The following PDLIM3 variants were observed in gnomAD, a reference collection of about 807,000 sequenced individuals.
The protein encoded by PDLIM3 is PDZ and LIM domain 3.
Under a neutral mutation model 37.3 loss-of-function variants are expected in PDLIM3, and 36 were observed. That is an observed-to-expected ratio of 0.97 (90% CI 0.74 to 1.28). The LOEUF (loss-of-function observed/expected upper bound fraction) is 1.28. Ranked by LOEUF, PDLIM3 falls within the 50% of genes most tolerant of loss-of-function variation. The pLI is 0.00. For synonymous variants in PDLIM3, 174 were observed against 182.4 expected (o/e 0.95, Z 0.37); for missense variants, 454 against 485.0 (o/e 0.94, Z 0.60).
At chr4:185,534,872 T>A (rs1580274040) in intron 1 of PDLIM3, among the ~76,000 whole-genome samples, 1 of 152,194 alleles carries the variant, frequency 6.6e-6, no homozygotes, top group Non-Finnish European at 1.5e-5. Context: ...GAACTTTTCA[T>A]CCGGACGAGA....
At chr4:185,513,957 A>G (rs1472545897) in intron 4 of PDLIM3, 1 of 1,245,764 alleles carries the variant, frequency 8.0e-7, no homozygotes, top group East Asian at 4.6e-5. Flanking sequence ...TGGGATAGAC[A>G]TACTGACTGC....
chr4:185,506,673 G>A lies in PDLIM3; in HGVS notation c.663-21C>T, dbSNP rs759216907. The stretch of plus-strand genomic sequence containing the variant: ...GCTCGCTGAAACACAGGCACGGCGG[G>A]GAGCATCGTCAGGTGCTGGGAGGCA... On this transcript the variant is annotated intron_variant, in intron 5 of 7. Coordinates refer to ENST00000284767, the MANE Select transcript of PDLIM3 (RefSeq NM_014476.6). The A allele has an allele frequency of 4.4e-6, 7 of 1,600,966 alleles. 1 individual carries two copies. The highest frequency in any genetic ancestry group is 3.3e-5 in the South Asian group (3 of 91,070).
chr4:185,521,908 G>C (rs1162377913), intron 3 of PDLIM3, among the ~76,000 whole-genome samples: 1 of 65,896 alleles, frequency 1.5e-5, no homozygotes, highest in African/African-American at 2.8e-5. Flanking sequence ...CAGCCTCAAG[G>C]TTCCTGCCTT....
At chr4:185,515,019 G>T in intron 3 of PDLIM3, 1 of 692,746 alleles carries the variant, frequency 1.4e-6, no homozygotes. Flanking sequence ...AAAGATTAGA[G>T]GAGGAGTTAG....
chr4:185,527,765 C>T (rs372825052), intron 1 of PDLIM3, among the ~76,000 whole-genome samples: 2 of 152,260 alleles, frequency 1.3e-5, no homozygotes, highest in African/African-American at 4.8e-5. Flanking sequence ...AGTTAAAACA[C>T]AGGGCCAGGC....
At chr4:185,519,640 A>G (rs1020381528) in intron 3 of PDLIM3, among the ~76,000 whole-genome samples, 1 of 152,182 alleles carries the variant, frequency 6.6e-6, no homozygotes, top group Admixed American at 6.5e-5. Flanking sequence ...CTATAACCAT[A>G]TAAGAAAATG....
At chr4:185,506,699 C>T in intron 5 of PDLIM3, 47 bp from the exon 6 acceptor site, 1 of 1,591,602 alleles carries the variant, frequency 6.3e-7, no homozygotes, top group Non-Finnish European at 8.5e-7. Context: ...CTGGGAGGCA[C>T]CAGACGTGCA....
chr4:185,535,224 C>T, intron 1 of PDLIM3, 118 bp downstream of exon 1: 1 of 885,736 alleles, frequency 1.1e-6, no homozygotes, highest in South Asian at 1.6e-5. Context: ...CAGCAGCGCC[C>T]CGTCCGCCCG....
At chr4:185,524,903 T>C in intron 2 of PDLIM3, 117 bp downstream of exon 2, 1 of 966,360 alleles carries the variant, frequency 1.0e-6, no homozygotes, top group East Asian at 2.4e-5. Context: ...ATATAAAAAG[T>C]CAGCCAAAAT....
At chr4:185,529,487 A>G (rs1203955430) in intron 1 of PDLIM3, among the ~76,000 whole-genome samples, 1 of 152,220 alleles carries the variant, frequency 6.6e-6, no homozygotes, top group Non-Finnish European at 1.5e-5. Flanking sequence ...ACTGCACGGT[A>G]GGCACGGACC....
chr4:185,508,628 A>G, intron 4 of PDLIM3, 66 bp from the exon 5 acceptor site: 1 of 1,528,772 alleles, frequency 6.5e-7, no homozygotes, highest in Non-Finnish European at 9.1e-7. Context: ...ACAGAAGAAC[A>G]CAGAGAACAC....
chr4:185,511,517 T>C (rs766804844), intron 4 of PDLIM3, among the ~76,000 whole-genome samples: 6 of 152,132 alleles, frequency 3.9e-5, no homozygotes, highest in Non-Finnish European at 8.8e-5. Flanking sequence ...TGTGCCACCA[T>C]GCCCAGCTAA....
chr4:185,520,277 T>C (rs1232669452), intron 3 of PDLIM3, among the ~76,000 whole-genome samples: 3 of 152,208 alleles, frequency 2.0e-5, no homozygotes, highest in Non-Finnish European at 4.4e-5. Context: ...AGAAATCCTT[T>C]GGTTCATTAG....
rs748972703 is a variant in PDLIM3, at chr4:185,504,445, G to A, written c.905+30C>T. 11 of 1,539,934 alleles carry A rather than the reference G, an allele frequency of 7.1e-6. No individual in the cohort carries two copies. Among genetic ancestry groups the A allele is most frequent in the Admixed American group, 5.0e-5 (3 of 59,880 alleles). ...AAATGAACTGTCGCCAAGCTGTATC[G>A]TAAATTCCAGGGTTAAAAGTGAAAC... On this transcript the variant is annotated intron_variant, in intron 7 of 7. Coordinates refer to ENST00000284767, the MANE Select transcript of PDLIM3 (RefSeq NM_014476.6). This position sits in a 1 kb window ranked among gnomAD's most constrained non-coding sequence, Gnocchi z 4.7.
Position 185,523,358 on chromosome 4 carries a change from A to C in PDLIM3, c.330+4T>G. The stretch of plus-strand genomic sequence containing the variant: ...ATGTGTATCATTTGCTCTAAAACGC[A>C]TACCTGTGGTTCTGATTCTAAGTTG... On this transcript the variant is annotated splice_donor_region_variant and intron_variant, in intron 3 of 7. Transcript: ENST00000284767. 6.3e-7 allele frequency: 1 copy of C among 1,593,422 alleles called. No homozygotes were observed. Among genetic ancestry groups the C allele is most frequent in the South Asian group, 1.1e-5 (1 of 90,546 alleles).
At chr4:185,527,822 G>A (rs1011286534) in intron 1 of PDLIM3, among the ~76,000 whole-genome samples, 1 of 152,188 alleles carries the variant, frequency 6.6e-6, no homozygotes, top group African/African-American at 2.4e-5. Flanking sequence ...GGCTGAGGTG[G>A]AAGGATTGCT....
chr4:185,526,389 A>C (rs890645599), intron 1 of PDLIM3, among the ~76,000 whole-genome samples: 5 of 152,238 alleles, frequency 3.3e-5, no homozygotes, highest in Non-Finnish European at 7.3e-5. Flanking sequence ...TCACTTAAAA[A>C]ACAGAGACTA....
At chr4:185,502,555 A>C in intron 7 of PDLIM3, 72 bp from the exon 8 acceptor site, 2 of 1,368,262 alleles carry the variant, frequency 1.5e-6, no homozygotes, top group Non-Finnish European at 2.1e-6. Flanking sequence ...AGAGAACCCA[A>C]CAGAGAAGGC....
chr4:185,504,336 T>G lies in PDLIM3; in HGVS notation c.905+139A>C, dbSNP rs577768183. 2.4e-4 allele frequency: 172 copies of G among 711,122 alleles called. No individual in the cohort carries two copies. Among genetic ancestry groups the G allele is most frequent in the Non-Finnish European group, 3.4e-4 (136 of 397,900 alleles). The allele number at this position is 711,122 out of a possible 1,614,324, so 44.1% of individuals were successfully genotyped here. Reference sequence around the variant, plus strand: ...GGAGTGACAGTCACAATGTGCTAAATGTTGGGGACCTTACGTTTCAAGTTG... The same window carrying G: ...GGAGTGACAGTCACAATGTGCTAAAGGTTGGGGACCTTACGTTTCAAGTTG... On this transcript the variant is annotated intron_variant, in intron 7 of 7. Coordinates refer to ENST00000284767, the MANE Select transcript of PDLIM3 (RefSeq NM_014476.6). This position sits in a 1 kb window ranked among gnomAD's most constrained non-coding sequence, Gnocchi z 4.7.
Sources: gnomAD v4.1 joint callset for allele counts (sites outside exome capture counted in the v4.1 genomes callset) on GRCh38, gnomAD v4.1.1 for gene constraint, Gnocchi (gnomAD v3.1) non-coding constraint, MANE v1.5 for transcripts, NCBI Gene and HGNC (gene_info 2026-07-23, HGNC 2026-07-21) for gene names.